PAM: variants seen among roughly 807,000 people sequenced by gnomAD.
The protein encoded by PAM is peptidyl-glycine alpha-amidating monooxygenase.
Under a neutral mutation model 122.1 loss-of-function variants are expected in PAM, and 72 were observed. That is an observed-to-expected ratio of 0.59 (90% CI 0.49 to 0.72). The LOEUF (loss-of-function observed/expected upper bound fraction) is 0.72, where lower values mean the gene tolerates loss of function less well. Among genes scored for constraint, PAM ranks in the 30% least tolerant of loss-of-function variants. PAM has a pLI of 0.00. For synonymous variants in PAM, 389 were observed against 404.4 expected (o/e 0.96, Z 0.46); for missense variants, 1,106 against 1,183.7 (o/e 0.93, Z 0.96).
chr5:102,912,190 A>G (rs1801604357), intron 4 of PAM, among the ~76,000 whole-genome samples: 1 of 151,966 alleles, frequency 6.6e-6, no homozygotes, highest in African/African-American at 2.4e-5. Flanking sequence ...TCCACCCATA[A>G]TAAGATCTTC....
At chr5:102,758,529 C>T (rs1002184883) in intron 1 of PAM, among the ~76,000 whole-genome samples, 5 of 152,192 alleles carry the variant, frequency 3.3e-5, no homozygotes, top group African/African-American at 1.2e-4. Flanking sequence ...ATTAAAACCA[C>T]ATACAAATAG....
At chr5:102,935,205 A>G (rs1015059805) in intron 7 of PAM, among the ~76,000 whole-genome samples, 1 of 152,074 alleles carries the variant, frequency 6.6e-6, no homozygotes, top group African/African-American at 2.4e-5. Flanking sequence ...TCATTAGCTT[A>G]TCTCAGCATT....
intron 1 of PAM, among the ~76,000 whole-genome samples, chr5:102,839,329 C>G (rs1777923934): frequency 6.6e-6 from 1 of 151,966 alleles, no homozygotes; most frequent in Non-Finnish European, 1.5e-5. Context: ...ATTCCTGGTA[C>G]TTTTGAAATG....
intron 23 of PAM, 121 bp downstream of exon 23, chr5:103,019,964 T>C: frequency 1.3e-6 from 1 of 747,984 alleles, no homozygotes. Flanking sequence ...AAATTATCAG[T>C]GACTTCTGCT....
chr5:102,900,509 A>G (rs963028620), intron 3 of PAM, among the ~76,000 whole-genome samples: 2 of 151,502 alleles, frequency 1.3e-5, no homozygotes, highest in Non-Finnish European at 1.5e-5. Flanking sequence ...AAAATTCACA[A>G]TTTTTTGGTG....
At chr5:102,937,938 T>C (rs146792145) in intron 7 of PAM, among the ~76,000 whole-genome samples, 1 of 152,302 alleles carries the variant, frequency 6.6e-6, no homozygotes, top group East Asian at 1.9e-4. Flanking sequence ...ATCTCATTTG[T>C]GCCTTTTCAT....
In PAM at chr5:102,794,846, T is replaced by C. The variant is rs144034208; in HGVS notation, c.-374+39498T>C. Among the ~76,000 whole-genome samples, 182 of 152,192 alleles carry C rather than the reference T, an allele frequency of 1.2e-3. 2 individuals are homozygous for C. Among genetic ancestry groups the C allele is most frequent in the African/African-American group, 4.1e-3 (169 of 41,532 alleles). Reference sequence around the variant, plus strand: ...TTAGGTTATTTGGCTTTCCTCAAACTTAAACAAGCATTAGCTGGTTGCTCC... The same window carrying C: ...TTAGGTTATTTGGCTTTCCTCAAACCTAAACAAGCATTAGCTGGTTGCTCC... On this transcript the variant is annotated intron_variant, in intron 1 of 25. Coordinates refer to ENST00000438793, the MANE Select transcript of PAM (RefSeq NM_001177306.2).
At chr5:102,950,663 G>C in intron 11 of PAM, 54 bp from the exon 12 acceptor site, 2 of 1,083,874 alleles carry the variant, frequency 1.8e-6, no homozygotes, top group Non-Finnish European at 2.9e-6. Context: ...CAAACATGTA[G>C]TTCTGGATTT....
intron 14 of PAM, among the ~76,000 whole-genome samples, chr5:102,963,769 T>A (rs906112333): frequency 2.6e-5 from 4 of 151,730 alleles, no homozygotes; most frequent in Non-Finnish European, 4.4e-5. Flanking sequence ...GTAAGTGATG[T>A]AGATAGTTCC....
intron 1 of PAM, among the ~76,000 whole-genome samples, chr5:102,762,799 T>C (rs543010702): frequency 6.6e-6 from 1 of 152,322 alleles, no homozygotes; most frequent in Non-Finnish European, 1.5e-5. Flanking sequence ...AGTGGTTCTT[T>C]CTATTATATG....
intron 15 of PAM, among the ~76,000 whole-genome samples, chr5:102,977,659 C>T (rs1768138622): frequency 3.6e-5 from 1 of 28,046 alleles, no homozygotes; most frequent in South Asian, 1.0e-3. Flanking sequence ...TGCATGTGCG[C>T]ACACACACAC....
intron 15 of PAM, among the ~76,000 whole-genome samples, chr5:102,980,372 A>G (rs1769347429): frequency 6.6e-6 from 1 of 152,170 alleles, no homozygotes; most frequent in South Asian, 2.1e-4. Context: ...ACTCAAATAT[A>G]TTTTATCATA....
chr5:102,849,092 T>C (rs1178940599), intron 1 of PAM, among the ~76,000 whole-genome samples: 4 of 152,100 alleles, frequency 2.6e-5, no homozygotes. Context: ...ACCTGAATTC[T>C]AAACAATAGG....
chr5:102,837,555 A>G (rs1777430728), intron 1 of PAM: 2 of 152,242 alleles, frequency 1.3e-5, no homozygotes, highest in Non-Finnish European at 2.9e-5. Flanking sequence ...AAATGATGAA[A>G]TGGAAAAATA....
intron 3 of PAM, among the ~76,000 whole-genome samples, chr5:102,897,995 AG>A (rs1208395981): frequency 5.3e-5 from 8 of 151,664 alleles, no homozygotes; most frequent in African/African-American, 1.9e-4. Context: ...ATCAAAATAA[AG>A]AATGCTATGA....
At chr5:102,851,069 T>C (rs1781249113) in intron 1 of PAM, among the ~76,000 whole-genome samples, 1 of 152,148 alleles carries the variant, frequency 6.6e-6, no homozygotes, top group African/African-American at 2.4e-5. Context: ...AAACTGACTG[T>C]GAGGAGAACT....
At chr5:103,023,915 T>G (rs143335761) in intron 23 of PAM, among the ~76,000 whole-genome samples, 82 of 152,286 alleles carry the variant, frequency 5.4e-4, no homozygotes, top group African/African-American at 1.9e-3. Flanking sequence ...TTATAAATTA[T>G]GTTGACAGCA....
At chr5:102,985,581 G>C (rs1771542882) in intron 15 of PAM, among the ~76,000 whole-genome samples, 1 of 151,822 alleles carries the variant, frequency 6.6e-6, no homozygotes, top group African/African-American at 2.4e-5. Flanking sequence ...ACCAATAACA[G>C]GTAATGAGAT....
chr5:102,952,081 TATGTTATTA>T (rs1317728381), intron 12 of PAM, among the ~76,000 whole-genome samples: 1 of 152,150 alleles, frequency 6.6e-6, no homozygotes, highest in Non-Finnish European at 1.5e-5. Flanking sequence ...TGCCCCAGGT[TATGTTATTA>T]ACCTTTGTAG....
Sources: gnomAD v4.1 joint callset for allele counts (sites outside exome capture counted in the v4.1 genomes callset) on GRCh38, gnomAD v4.1.1 for gene constraint, MANE v1.5 for transcripts, NCBI Gene and HGNC (gene_info 2026-07-23, HGNC 2026-07-21) for gene names.